KLHL29: variants seen among roughly 807,000 people sequenced by gnomAD.
KLHL29 encodes kelch like family member 29.
A neutral mutation model predicts 80.4 loss-of-function variants in KLHL29; 21 were observed. That is an observed-to-expected ratio of 0.26 (90% confidence interval 0.19 to 0.38). KLHL29 has a LOEUF of 0.38. Ranked by LOEUF, KLHL29 falls within the 10% of genes least tolerant of loss-of-function variation. The pLI, the probability that KLHL29 is intolerant of heterozygous loss-of-function variation, is 1.00. For missense variants in KLHL29, 867 were observed against 1,223.9 expected (o/e 0.71, Z 4.35); for synonymous variants, 511 against 526.8 (o/e 0.97, Z 0.41).
intron 3 of KLHL29, among the ~76,000 whole-genome samples, chr2:23,638,200 A>G (rs1010936832): frequency 1.3e-5 from 2 of 151,808 alleles, no homozygotes; most frequent in Admixed American, 6.6e-5. Flanking sequence ...TCCCTCCTAC[A>G]CATATTGTTT....
intron 5 of KLHL29, among the ~76,000 whole-genome samples, chr2:23,673,425 C>A (rs989323318): frequency 6.7e-6 from 1 of 149,232 alleles, no homozygotes; most frequent in Non-Finnish European, 1.5e-5. Context: ...CAGGCACGTA[C>A]ACACCCCCAC....
At chr2:23,462,258 G>A (rs1482757346) in intron 1 of KLHL29, among the ~76,000 whole-genome samples, 1 of 152,120 alleles carries the variant, frequency 6.6e-6, no homozygotes, top group Non-Finnish European at 1.5e-5. Context: ...CAGAGTTCTG[G>A]CAAAGCATAG....
At position 23,695,801 on chromosome 2, in the gene KLHL29, C is replaced by G; in HGVS notation, c.1721C>G (p.Thr574Ser). 1 of 1,549,786 alleles carries G rather than the reference C, an allele frequency of 6.5e-7. No homozygotes were observed. The highest frequency in any genetic ancestry group is 2.4e-5 in the East Asian group (1 of 40,924). ...CGCCAGGAGATGCAGACGCCCCGAA[C>G]CCGGCCGCGCCTCTCTGCAGGTATG... ...HARQEMQTPRTRPRLSAGVAE... is the reference protein window; with the variant it reads ...HARQEMQTPRSRPRLSAGVAE... The change falls in exon 9 of 14, where the codon ACC (threonine) becomes AGC (serine). Residue 574 changes from threonine to serine, a missense_variant. Thr to Ser is a moderately conservative substitution (Grantham distance 58, BLOSUM62 1). Around this residue, in one of 2 missense-constraint regions of KLHL29, gnomAD observed 443 missense variants for 767.0 expected, o/e 0.58. Coordinates refer to ENST00000486442, the MANE Select transcript of KLHL29 (RefSeq NM_052920.2). The surrounding 1 kb of genome is among the most constrained non-coding windows in gnomAD (Gnocchi z 7.6).
At chr2:23,506,497 T>C (rs1476199682) in intron 2 of KLHL29, among the ~76,000 whole-genome samples, 1 of 152,226 alleles carries the variant, frequency 6.6e-6, no homozygotes, top group Non-Finnish European at 1.5e-5. Context: ...GGTCTTTTAT[T>C]AATTGTTGTT....
intron 13 of KLHL29, 126 bp downstream of exon 13, chr2:23,703,989 C>G: frequency 1.8e-6 from 2 of 1,102,378 alleles, no homozygotes; most frequent in East Asian, 2.6e-5. Context: ...TGGCCCTCCC[C>G]CTCCAACCAC....
intron 3 of KLHL29, among the ~76,000 whole-genome samples, chr2:23,624,778 G>A (rs1250893374): frequency 6.6e-6 from 1 of 152,164 alleles, no homozygotes; most frequent in Non-Finnish European, 1.5e-5. Flanking sequence ...TAATATTCCT[G>A]CATTCTCGGG....
intron 3 of KLHL29, among the ~76,000 whole-genome samples, chr2:23,623,816 A>G (rs1335587043): frequency 2.0e-5 from 3 of 152,146 alleles, no homozygotes; most frequent in African/African-American, 7.2e-5. Context: ...TACAGCGTGG[A>G]CTGTGTGAGT....
chr2:23,467,802 G>A (rs963627331), intron 1 of KLHL29, among the ~76,000 whole-genome samples: 1 of 152,158 alleles, frequency 6.6e-6, no homozygotes, highest in Admixed American at 6.5e-5. Context: ...GAGCTGGAGG[G>A]AGCGGAGAGT....
intron 3 of KLHL29, among the ~76,000 whole-genome samples, chr2:23,577,426 G>A (rs750997544): frequency 1.1e-3 from 168 of 152,158 alleles, no homozygotes; most frequent in Non-Finnish European, 1.8e-3. Context: ...ACTCCAGCCT[G>A]GGCAACAGAG....
chr2:23,568,852 C>G (rs1667650581), intron 3 of KLHL29, among the ~76,000 whole-genome samples: 1 of 152,230 alleles, frequency 6.6e-6, no homozygotes, highest in African/African-American at 2.4e-5. Context: ...GCTGGCATGC[C>G]TCAGGCAGAA....
chr2:23,592,497 T>G (rs1668293148), intron 3 of KLHL29, among the ~76,000 whole-genome samples: 1 of 152,210 alleles, frequency 6.6e-6, no homozygotes. Flanking sequence ...AGAGAGAGGC[T>G]CAGGGTCCAC....
chr2:23,385,847 CGCGTGGGGCCGGGCCGGGCCGG>C (rs1185985135), intron 1 of KLHL29, 67 bp downstream of exon 1: 1 of 151,850 alleles, frequency 6.6e-6, no homozygotes, highest in Non-Finnish European at 1.5e-5. Flanking sequence ...TCCTGGCCGC[CGCGTGGGGCCGGGCCGGGCCGG>C]GCGTGGGAGC....
chr2:23,625,428 G>A (rs548854636), intron 3 of KLHL29, among the ~76,000 whole-genome samples: 6 of 152,306 alleles, frequency 3.9e-5, no homozygotes, highest in Middle Eastern at 3.4e-3. Flanking sequence ...TGGATTCTCC[G>A]GAGATAAATA....
At chr2:23,619,074 A>G (rs1572443013) in intron 3 of KLHL29, among the ~76,000 whole-genome samples, 2 of 152,208 alleles carry the variant, frequency 1.3e-5, no homozygotes, top group South Asian at 4.1e-4. Context: ...CCCTCGGCCC[A>G]GGGAAAGGCA....
At chr2:23,424,614 C>G (rs999484374) in intron 1 of KLHL29, among the ~76,000 whole-genome samples, 4 of 152,148 alleles carry the variant, frequency 2.6e-5, no homozygotes, top group African/African-American at 4.8e-5. Flanking sequence ...GATCATCTAT[C>G]TGATCCAAGT....
At chr2:23,429,625 C>A (rs540635187) in intron 1 of KLHL29, among the ~76,000 whole-genome samples, 1 of 151,996 alleles carries the variant, frequency 6.6e-6, no homozygotes, top group Non-Finnish European at 1.5e-5. Context: ...TGGTGGCGGA[C>A]GCCTGTAATC....
At chr2:23,402,996 G>A (rs949430059) in intron 1 of KLHL29, among the ~76,000 whole-genome samples, 6 of 150,320 alleles carry the variant, frequency 4.0e-5, no homozygotes, top group African/African-American at 1.2e-4. Flanking sequence ...AGTTTTCACT[G>A]TAGACGTACT....
chr2:23,443,703 A>G (rs1482519605), intron 1 of KLHL29, among the ~76,000 whole-genome samples: 2 of 152,220 alleles, frequency 1.3e-5, no homozygotes, highest in African/African-American at 2.4e-5. Context: ...TATAAATGAT[A>G]CCATGTCCTG....
intron 11 of KLHL29, among the ~76,000 whole-genome samples, chr2:23,702,153 C>T (rs887399288): frequency 6.6e-6 from 1 of 152,096 alleles, no homozygotes. Flanking sequence ...CCCCCCACTT[C>T]CAGCCATTCC....
Sources: allele counts gnomAD v4.1 joint callset (sites outside exome capture counted in the v4.1 genomes callset), GRCh38; gene constraint gnomAD v4.1.1; regional missense constraint gnomAD v4.1.1; non-coding constraint Gnocchi (gnomAD v3.1); transcripts MANE v1.5; gene names NCBI Gene and HGNC (gene_info 2026-07-23, HGNC 2026-07-21).